HNRNPDL: variants seen among roughly 807,000 people sequenced by gnomAD.
HNRNPDL encodes heterogeneous nuclear ribonucleoprotein D-like.
In HNRNPDL, 18 loss-of-function variants were observed where a neutral mutation model predicts 48.0. The ratio of observed to expected loss-of-function variants is 0.38; its 90% CI spans 0.26 to 0.56. HNRNPDL has a LOEUF of 0.56. Among genes scored for constraint, HNRNPDL ranks in the 20% least tolerant of loss-of-function variants. The pLI is 0.77. For missense variants in HNRNPDL, 553 were observed against 540.7 expected, an observed-to-expected ratio of 1.02 and a Z score of -0.23; for synonymous variants, 306 against 207.3, an observed-to-expected ratio of 1.48 and a Z score of -4.09.
Position 82,423,022 on chromosome 4 carries a change from G to A in HNRNPDL, c.*1884C>T, listed in dbSNP as rs1485363183. The A allele has an allele frequency of 6.6e-6, 1 of 151,820 alleles. No homozygotes were observed. The highest frequency in any genetic ancestry group is 2.4e-5 in the African/African-American group (1 of 41,336). 9.4% of individuals were successfully genotyped at this position (151,820 alleles called of 1,614,324 possible). ...TCTGTTCAAATTTGCATCAGTTGGT[G>A]AACTGATAGACCCTGAAATCTGAAT... On this transcript the variant is annotated 3_prime_UTR_variant, in exon 8 of 8. Coordinates refer to ENST00000295470, the MANE Select transcript of HNRNPDL (RefSeq NM_031372.4).
At chr4:82,425,847 G>GA in intron 7 of HNRNPDL, 190 bp downstream of exon 7, 1 of 526,196 alleles carries the variant, frequency 1.9e-6, no homozygotes, top group East Asian at 2.9e-5. Context: ...CAATACTAAA[G>GA]AAAGTGAGAT....
At chr4:82,427,347 TA>T in intron 4 of HNRNPDL, 43 bp from the exon 5 acceptor site, 3 of 1,530,970 alleles carry the variant, frequency 2.0e-6, no homozygotes, top group Non-Finnish European at 2.7e-6. Context: ...ACCGAAGTTC[TA>T]AAATTAAATC....
At position 82,429,664 on chromosome 4, in the gene HNRNPDL, A is replaced by G; in HGVS notation, c.27T>C (p.His9=). The part of the protein sequence containing the change: MEVPPRLS[H]VPPPLFPSAP... ...CGGAGGGGAACAATGGCGGCGGCAC[A>G]TGGGAAAGCCTGGGCGGGACCTCCA... The change falls in exon 1 of 8, where the codon CAT becomes CAC. Residue 9 remains histidine (H), a synonymous_variant. Coordinates refer to ENST00000295470, the MANE Select transcript of HNRNPDL (RefSeq NM_031372.4). 1.5e-6 allele frequency: 2 copies of G among 1,362,182 alleles called. No individual in the cohort carries two copies. Among genetic ancestry groups the G allele is most frequent in the Non-Finnish European group, 1.9e-6 (2 of 1,058,284 alleles). 84.4% of individuals were successfully genotyped at this position (1,362,182 alleles called of 1,614,324 possible). A position where few individuals can be genotyped will look rare whatever the true frequency, so the allele number is the denominator to read the frequency against.
chr4:82,429,441 C>A lies in HNRNPDL; in HGVS notation c.250G>T (p.Asp84Tyr). The stretch of plus-strand genomic sequence containing the variant: ...GATTTAAAATGGCGGCGGAAGAGAT[C>A]CGGGCGCCGCCTGCGCCCTCCCTTT... ...AIKGGRRRRPDLFRRHFKSSS... is the reference protein window; with the variant it reads ...AIKGGRRRRPYLFRRHFKSSS... The change falls in exon 1 of 8, where the codon GAT becomes TAT. Residue 84 changes from aspartate (D) to tyrosine (Y), a missense_variant. By Grantham distance (160) the Asp-to-Tyr change is radical. This residue lies in a region of HNRNPDL where 327 missense variants were observed against 203.2 expected (regional missense o/e 1.61). Coordinates refer to ENST00000295470, the MANE Select transcript of HNRNPDL (RefSeq NM_031372.4). 1 of 1,610,956 alleles carries A rather than the reference C, an allele frequency of 6.2e-7. No individual in the cohort carries two copies. Among genetic ancestry groups the A allele is most frequent in the Non-Finnish European group, 8.5e-7 (1 of 1,178,740 alleles).
At chr4:82,426,680 A>G (rs1350836880) in intron 5 of HNRNPDL, 47 bp from the exon 6 acceptor site, 5 of 1,504,720 alleles carry the variant, frequency 3.3e-6, no homozygotes, top group Non-Finnish European at 4.6e-6. Context: ...CTGACCCCCA[A>G]TTCTAACATA....
intron 6 of HNRNPDL, 147 bp downstream of exon 6, chr4:82,426,316 T>C: frequency 2.4e-6 from 2 of 842,762 alleles, no homozygotes; most frequent in East Asian, 2.6e-5. Flanking sequence ...TATGTTAGTA[T>C]AATCATCCTA....
chr4:82,428,511 T>C (rs1018944135), intron 1 of HNRNPDL, 65 bp from the exon 2 acceptor site: 2 of 1,295,136 alleles, frequency 1.5e-6, no homozygotes, highest in African/African-American at 1.5e-5. Flanking sequence ...GTTCTGGAAT[T>C]AAATCGTGAA....
Position 82,429,774 on chromosome 4 carries a change from G to A in HNRNPDL, c.-84C>T, listed in dbSNP as rs939051233. On this transcript the variant is annotated 5_prime_UTR_variant, in exon 1 of 8. Coordinates refer to ENST00000295470, the MANE Select transcript of HNRNPDL (RefSeq NM_031372.4). Reference sequence around the variant, plus strand: ...AGAAGAATCAGAAGAGAAAAACGAAGGGGCGTAAATTCCTGGGGTCAGCAG... The same window carrying A: ...AGAAGAATCAGAAGAGAAAAACGAAAGGGCGTAAATTCCTGGGGTCAGCAG... 2 of 1,109,414 alleles carry A rather than the reference G, an allele frequency of 1.8e-6. No homozygotes were observed. The highest frequency in any genetic ancestry group is 4.1e-5 in the Admixed American group (1 of 24,286). The allele number at this position is 1,109,414 out of a possible 1,614,324, so 68.7% of individuals were successfully genotyped here.
In HNRNPDL at chr4:82,426,556, C is replaced by T; in HGVS notation, c.1099G>A (p.Gly367Ser). ...CCATAGCCACTATAGTTTTGATCAC[C>T]ACCATAGGCACTATTGTAATTTCCA... is the stretch of plus-strand genomic sequence containing the variant. The part of the protein sequence containing the change: ...GYGNYNSAYG[G>S]DQNYSGYGGY... Residue 367 changes from glycine to serine, a missense_variant, in exon 6 of 8, where the codon GGT becomes AGT. Around this residue, in one of 4 missense-constraint regions of HNRNPDL, gnomAD observed 174 missense variants for 204.6 expected, o/e 0.85. Coordinates refer to ENST00000295470, the MANE Select transcript of HNRNPDL (RefSeq NM_031372.4). 1.9e-6 allele frequency: 3 copies of T among 1,612,544 alleles called. No homozygotes were observed. The highest frequency in any genetic ancestry group is 2.5e-6 in the Non-Finnish European group (3 of 1,178,724).
At chr4:82,425,941 C>A in intron 7 of HNRNPDL, 96 bp downstream of exon 7, 1 of 794,958 alleles carries the variant, frequency 1.3e-6, no homozygotes, top group Non-Finnish European at 2.1e-6. Context: ...TTAGTAAAAA[C>A]AGGCTACATA....
At chr4:82,429,178 G>C in intron 1 of HNRNPDL, 70 bp downstream of exon 1, 1 of 1,397,640 alleles carries the variant, frequency 7.2e-7, no homozygotes, top group Non-Finnish European at 1.0e-6. Context: ...GGCAGCGCGC[G>C]GCTCACGAGG....
In HNRNPDL at chr4:82,428,457, A is replaced by T; in HGVS notation, c.444-11T>A. ...CCAATAAACATTTTACTAGAAATAA[A>T]AGTGTTTTTAAAAAAAATTAACAAT... On this transcript the variant is annotated splice_polypyrimidine_tract_variant and intron_variant, in intron 1 of 7. Transcript: ENST00000295470. 1 of 1,571,654 alleles carries T rather than the reference A, an allele frequency of 6.4e-7. No homozygotes were observed. The highest frequency in any genetic ancestry group is 8.7e-7 in the Non-Finnish European group (1 of 1,155,150).
chr4:82,429,928 G>A lies in HNRNPDL; in HGVS notation c.-238C>T. ...CTTTTTCTGCCCTCGGTTCGCCAGT[G>A]CGGAGCCGCTGCGGCGGCCGCTGCT... is the stretch of plus-strand genomic sequence containing the variant. On this transcript the variant is annotated 5_prime_UTR_variant, in exon 1 of 8. Coordinates refer to ENST00000295470, the MANE Select transcript of HNRNPDL (RefSeq NM_031372.4). 2.8e-6 allele frequency: 1 copy of A among 362,496 alleles called. No homozygotes were observed. Among genetic ancestry groups the A allele is most frequent in the Admixed American group, 4.6e-5 (1 of 21,512 alleles). 22.5% of individuals were successfully genotyped at this position (362,496 alleles called of 1,614,324 possible). A position where few individuals can be genotyped will look rare whatever the true frequency, so the allele number is the denominator to read the frequency against.
In HNRNPDL at chr4:82,429,877, T is replaced by A. The variant is rs984210729; in HGVS notation, c.-187A>T. 4.9e-6 allele frequency: 2 copies of A among 410,208 alleles called. No individual in the cohort carries two copies. Among genetic ancestry groups the A allele is most frequent in the African/African-American group, 4.1e-5 (2 of 48,454 alleles). 25.4% of individuals were successfully genotyped at this position (410,208 alleles called of 1,614,324 possible). A position where few individuals can be genotyped will look rare whatever the true frequency, so the allele number is the denominator to read the frequency against. On this transcript the variant is annotated 5_prime_UTR_variant, in exon 1 of 8. Transcript: ENST00000295470. ...GTCTCTGGCGTCCGGTCCAGCCCAC[T>A]CCTACCAAAAAGCCGTCAACCCCGC...
In HNRNPDL at chr4:82,424,217, A is replaced by C. The variant is rs1721320072; in HGVS notation, c.*689T>G. The C allele has an allele frequency of 6.6e-6, 1 of 152,260 alleles. No homozygotes were observed. The highest frequency in any genetic ancestry group is 2.4e-5 in the African/African-American group (1 of 41,466). The allele number at this position is 152,260 out of a possible 1,614,324, so 9.4% of individuals were successfully genotyped here. A position where few individuals can be genotyped will look rare whatever the true frequency, so the allele number is the denominator to read the frequency against. On this transcript the variant is annotated 3_prime_UTR_variant, in exon 8 of 8. Transcript: ENST00000295470. ...CAAAGCTTTTTCTAGGTGACCACTG[A>C]TTAAAGCCAAAGTAATCAGCAATTC...
intron 5 of HNRNPDL, 150 bp from the exon 6 acceptor site, chr4:82,426,783 GT>G (rs758413169): frequency 1.7e-4 from 118 of 684,964 alleles, no homozygotes; most frequent in Non-Finnish European, 2.7e-4. Flanking sequence ...TTTTCCAGCT[GT>G]TATAAAAAAG....
rs1472384597 is a variant in HNRNPDL, at chr4:82,427,804, C to A, written c.774+214G>T. Among the ~76,000 whole-genome samples, 4 of 152,264 alleles carry A rather than the reference C, an allele frequency of 2.6e-5. No individual in the cohort carries two copies. In the East Asian group the frequency reaches 7.7e-4, roughly 29 times the overall value. Reference sequence around the variant, plus strand: ...TGCCACTAGTTAACAAGTCCAAACACTGACCACATTTAAGTGCCCATGTTT... The same window carrying A: ...TGCCACTAGTTAACAAGTCCAAACAATGACCACATTTAAGTGCCCATGTTT... On this transcript the variant is annotated intron_variant, in intron 3 of 7. Coordinates refer to ENST00000295470, the MANE Select transcript of HNRNPDL (RefSeq NM_031372.4).
At position 82,423,736 on chromosome 4, in the gene HNRNPDL, GA is replaced by G. The variant is rs1403128621; in HGVS notation, c.*1169del. 6.6e-6 allele frequency: 1 copy of G among 152,154 alleles called. No individual in the cohort carries two copies. Among genetic ancestry groups the G allele is most frequent in the Non-Finnish European group, 1.5e-5 (1 of 68,032 alleles). The allele number at this position is 152,154 out of a possible 1,614,324, so 9.4% of individuals were successfully genotyped here. On this transcript the variant is annotated 3_prime_UTR_variant, in exon 8 of 8. Coordinates refer to ENST00000295470, the MANE Select transcript of HNRNPDL (RefSeq NM_031372.4). ...TCCTCTGAAACCTGGATATAAAACG[GA>G]TTCTTTTCAATGCACCCAGAGGGTC... is the stretch of plus-strand genomic sequence containing the variant.
chr4:82,427,936 G>A (rs1047316452), intron 3 of HNRNPDL, 82 bp downstream of exon 3: 4 of 1,318,504 alleles, frequency 3.0e-6, no homozygotes, highest in East Asian at 2.3e-5. Context: ...CAGGAAACAT[G>A]AATCTGCCCT....
Sources: gnomAD v4.1 joint callset for allele counts (sites outside exome capture counted in the v4.1 genomes callset) on GRCh38, gnomAD v4.1.1 for gene constraint, gnomAD v4.1.1 regional missense constraint, MANE v1.5 for transcripts, NCBI Gene and HGNC (gene_info 2026-07-23, HGNC 2026-07-21) for gene names.